The following SYN2 variants were observed in gnomAD, a reference collection of about 807,000 sequenced individuals.
SYN2 encodes the protein synapsin-2.
SYN2 carries 19 observed loss-of-function variants against 50.9 expected under a neutral mutation model. The observed-to-expected ratio is 0.37, with a 90% CI of 0.26 to 0.55. The LOEUF is 0.55. SYN2 is among the 20% of genes least tolerant of loss of function. SYN2 has a pLI of 0.81. For synonymous variants in SYN2, 255 were observed against 224.9 expected (o/e 1.13, Z -1.20); for missense variants, 587 against 576.4 (o/e 1.02, Z -0.19).
intron 1 of SYN2, among the ~76,000 whole-genome samples, chr3:12,015,180 C>T: frequency 6.6e-6 from 1 of 152,198 alleles, no homozygotes; most frequent in Non-Finnish European, 1.5e-5. Flanking sequence ...ATCTTCAAGA[C>T]TCAACTCAGT....
intron 1 of SYN2, among the ~76,000 whole-genome samples, chr3:12,027,534 T>C (rs1390118929): frequency 6.6e-6 from 1 of 152,092 alleles, no homozygotes; most frequent in Non-Finnish European, 1.5e-5. Context: ...GGGGCTAATG[T>C]CAGCTTCATC....
chr3:12,159,093 C>A (rs765313499), intron 5 of SYN2: 13 of 487,860 alleles, frequency 2.7e-5, no homozygotes, highest in Non-Finnish European at 4.2e-5. Context: ...CTCTGTTTCC[C>A]TGCCTAAGTC....
At chr3:12,066,206 T>C (rs1201385605) in intron 1 of SYN2, among the ~76,000 whole-genome samples, 4 of 152,204 alleles carry the variant, frequency 2.6e-5, no homozygotes, top group Admixed American at 6.5e-5. Flanking sequence ...TGAATCAATA[T>C]TGGCTTGTTA....
intron 10 of SYN2, among the ~76,000 whole-genome samples, chr3:12,181,151 CCACTGG>C (rs1698210893): frequency 6.6e-6 from 1 of 152,178 alleles, no homozygotes; most frequent in Non-Finnish European, 1.5e-5. Context: ...GCTTTTGTGC[CCACTGG>C]CCCTGGTTCT....
chr3:12,111,714 G>C (rs307605), intron 1 of SYN2, among the ~76,000 whole-genome samples: 141,091 of 152,284 alleles, frequency 0.93, 65,406 homozygotes, highest in East Asian at 1. Flanking sequence ...CTGGCTTACC[G>C]AGTGGTTCTG....
intron 1 of SYN2, among the ~76,000 whole-genome samples, chr3:12,030,374 A>T (rs1365184590): frequency 5.9e-5 from 7 of 117,924 alleles, no homozygotes; most frequent in African/African-American, 2.1e-4. Context: ...CTTTGGTATC[A>T]GAATGATGCT....
chr3:12,082,059 G>C (rs533612213), intron 1 of SYN2, among the ~76,000 whole-genome samples: 1 of 152,186 alleles, frequency 6.6e-6, no homozygotes, highest in Non-Finnish European at 1.5e-5. Flanking sequence ...CCAGGGCTCA[G>C]CATATAGTCA....
intron 1 of SYN2, among the ~76,000 whole-genome samples, chr3:12,093,358 G>A (rs1695867806): frequency 1.3e-5 from 2 of 152,138 alleles, no homozygotes; most frequent in African/African-American, 4.8e-5. Flanking sequence ...ATGAAGAAAT[G>A]CAAGGTAGAA....
At chr3:12,047,300 G>A (rs890366555) in intron 1 of SYN2, among the ~76,000 whole-genome samples, 1 of 152,078 alleles carries the variant, frequency 6.6e-6, no homozygotes. Flanking sequence ...GATACAGAAG[G>A]GTGTGTAGAT....
At chr3:12,164,275 A>G (rs1307311854) in intron 7 of SYN2, among the ~76,000 whole-genome samples, 2 of 152,242 alleles carry the variant, frequency 1.3e-5, no homozygotes, top group Non-Finnish European at 2.9e-5. Flanking sequence ...AGACACCTAA[A>G]TTTTAAGGGT....
chr3:12,151,806 CCTA>C (rs1559441697), intron 5 of SYN2, among the ~76,000 whole-genome samples: 1 of 152,158 alleles, frequency 6.6e-6, no homozygotes, highest in Non-Finnish European at 1.5e-5. Flanking sequence ...AGGCATTGCT[CCTA>C]CTATTATTAA....
At chr3:12,174,171 T>C (rs2125247297) in intron 10 of SYN2, among the ~76,000 whole-genome samples, 1 of 152,194 alleles carries the variant, frequency 6.6e-6, no homozygotes, top group East Asian at 1.9e-4. Flanking sequence ...CATTTGTTGG[T>C]GGTCTTGGCC....
chr3:12,117,095 A>G (rs1427403542), intron 1 of SYN2, among the ~76,000 whole-genome samples: 1 of 152,156 alleles, frequency 6.6e-6, no homozygotes, highest in African/African-American at 2.4e-5. Context: ...GGAGGAAACA[A>G]ACGTCATTGT....
At chr3:12,145,974 T>TG in intron 4 of SYN2, 139 bp downstream of exon 4, 1 of 1,232,672 alleles carries the variant, frequency 8.1e-7, no homozygotes, top group Non-Finnish European at 1.1e-6. Flanking sequence ...AGGAGGGTCC[T>TG]CAAGATGCAG....
At chr3:12,156,766 T>C in intron 5 of SYN2, 1 of 1,450,602 alleles carries the variant, frequency 6.9e-7, no homozygotes, top group Non-Finnish European at 9.6e-7. Context: ...TCTCACTACC[T>C]CCCCTAGGGC....
chr3:12,163,802 TGTG>T (rs1427407256), intron 7 of SYN2, among the ~76,000 whole-genome samples: 2 of 152,090 alleles, frequency 1.3e-5, no homozygotes, highest in African/African-American at 2.4e-5. Flanking sequence ...TGTGGCCAGG[TGTG>T]GTGGCTCACA....
chr3:12,059,942 C>T (rs1436302268), intron 1 of SYN2, among the ~76,000 whole-genome samples: 4 of 152,152 alleles, frequency 2.6e-5, no homozygotes, highest in Non-Finnish European at 5.9e-5. Flanking sequence ...CATACCTAGC[C>T]TTGCTCAAGA....
At chr3:12,079,794 A>C (rs1340322822) in intron 1 of SYN2, among the ~76,000 whole-genome samples, 2 of 151,870 alleles carry the variant, frequency 1.3e-5, no homozygotes, top group African/African-American at 2.4e-5. Flanking sequence ...CCAGGTTTTG[A>C]TATAAGGTGA....
At chr3:12,175,556 A>G (rs1255839243) in intron 10 of SYN2, among the ~76,000 whole-genome samples, 3 of 152,246 alleles carry the variant, frequency 2.0e-5, no homozygotes, top group African/African-American at 7.2e-5. Flanking sequence ...GCTCCTGCCC[A>G]GAATTCTAGA....
Sources: allele counts gnomAD v4.1 joint callset (sites outside exome capture counted in the v4.1 genomes callset), GRCh38; gene constraint gnomAD v4.1.1; transcripts MANE v1.5; gene names NCBI Gene and HGNC (gene_info 2026-07-23, HGNC 2026-07-21).